SLC1A1: variants seen among roughly 807,000 people sequenced by gnomAD.
The protein encoded by SLC1A1 is solute carrier family 1 member 1.
In SLC1A1, 43 loss-of-function variants were observed where a neutral mutation model predicts 53.3. The ratio of observed to expected loss-of-function variants is 0.81; its 90% confidence interval spans 0.63 to 1.04. The LOEUF (loss-of-function observed/expected upper bound fraction) is 1.04, where lower values mean the gene tolerates loss of function less well. Among genes scored for constraint, SLC1A1 ranks in the 50% least tolerant of loss-of-function variants. SLC1A1 has a pLI of 0.00. For synonymous variants in SLC1A1, 307 were observed against 243.2 expected, an observed-to-expected ratio of 1.26 and a Z score of -2.44; for missense variants, 748 against 664.9, an observed-to-expected ratio of 1.12 and a Z score of -1.37.
chr9:4,530,815 C>T (rs558082476), intron 1 of SLC1A1, among the ~76,000 whole-genome samples: 1 of 152,150 alleles, frequency 6.6e-6, no homozygotes, highest in Admixed American at 6.5e-5. Context: ...AGTGTTATTG[C>T]CTCTTTTTGA....
chr9:4,508,290 T>G (rs1418190035), intron 1 of SLC1A1, among the ~76,000 whole-genome samples: 1 of 152,198 alleles, frequency 6.6e-6, no homozygotes, highest in African/African-American at 2.4e-5. Flanking sequence ...GTCATAGATA[T>G]GTATCTCGGG....
chr9:4,504,319 C>T (rs1219805706), intron 1 of SLC1A1, among the ~76,000 whole-genome samples: 1 of 152,150 alleles, frequency 6.6e-6, no homozygotes, highest in Non-Finnish European at 1.5e-5. Context: ...TTTCCCCCTC[C>T]AAGTGTCCTT....
chr9:4,530,550 A>G (rs1006200436), intron 1 of SLC1A1, among the ~76,000 whole-genome samples: 1 of 152,156 alleles, frequency 6.6e-6, no homozygotes, highest in Non-Finnish European at 1.5e-5. Flanking sequence ...ACCAAAATCA[A>G]CTTTTCTTCT....
At chr9:4,491,808 G>A (rs1409836109) in intron 1 of SLC1A1, among the ~76,000 whole-genome samples, 2 of 152,202 alleles carry the variant, frequency 1.3e-5, no homozygotes, top group Non-Finnish European at 1.5e-5. Flanking sequence ...TGTGTTTGCT[G>A]AAAAGGCAAG....
chr9:4,537,040 T>C (rs977587579), intron 1 of SLC1A1, among the ~76,000 whole-genome samples: 2 of 151,016 alleles, frequency 1.3e-5, no homozygotes, highest in African/African-American at 4.9e-5. Context: ...CCAGGGCCTG[T>C]TGTGGAGTGG....
intron 6 of SLC1A1, among the ~76,000 whole-genome samples, chr9:4,568,376 T>C (rs1050346170): frequency 6.7e-6 from 1 of 149,948 alleles, no homozygotes; most frequent in African/African-American, 2.5e-5. Context: ...CATGATTGAA[T>C]CATTGCACTT....
At chr9:4,528,090 T>C (rs766968310) in intron 1 of SLC1A1, among the ~76,000 whole-genome samples, 2 of 152,164 alleles carry the variant, frequency 1.3e-5, no homozygotes. Context: ...ATGCCAGGGA[T>C]ATTAGGAGCA....
chr9:4,504,335 T>A (rs1820729972), intron 1 of SLC1A1, among the ~76,000 whole-genome samples: 2 of 152,212 alleles, frequency 1.3e-5, no homozygotes, highest in Non-Finnish European at 2.9e-5. Flanking sequence ...TCCTTTCACA[T>A]CCTTATCCAA....
chr9:4,548,882 T>C (rs542948609), intron 2 of SLC1A1, among the ~76,000 whole-genome samples: 3 of 152,286 alleles, frequency 2.0e-5, no homozygotes, highest in African/African-American at 7.2e-5. Context: ...ATAAATTACA[T>C]TGTGAAGAAC....
chr9:4,523,891 C>T (rs369763031), intron 1 of SLC1A1, among the ~76,000 whole-genome samples: 1 of 152,214 alleles, frequency 6.6e-6, no homozygotes, highest in South Asian at 2.1e-4. Context: ...GATAACACAG[C>T]TAATAAAGTG....
At chr9:4,498,999 A>C (rs1820541209) in intron 1 of SLC1A1, among the ~76,000 whole-genome samples, 2 of 129,264 alleles carry the variant, frequency 1.5e-5, no homozygotes, top group Admixed American at 7.4e-5. Flanking sequence ...TATATATAAG[A>C]TTATATATTA....
At chr9:4,506,117 G>T (rs1433791218) in intron 1 of SLC1A1, among the ~76,000 whole-genome samples, 1 of 151,916 alleles carries the variant, frequency 6.6e-6, no homozygotes, top group African/African-American at 2.4e-5. Context: ...CCTGCCGTCT[G>T]ACTTAATTTT....
chr9:4,573,855 A>G, intron 7 of SLC1A1, 52 bp from the exon 8 acceptor site: 1 of 1,269,178 alleles, frequency 7.9e-7, no homozygotes, highest in South Asian at 1.2e-5. Flanking sequence ...CCAACCTAGC[A>G]TGAGAAAGCA....
At chr9:4,567,457 C>G (rs570159503) in intron 5 of SLC1A1, among the ~76,000 whole-genome samples, 2 of 152,196 alleles carry the variant, frequency 1.3e-5, no homozygotes, top group African/African-American at 4.8e-5. Flanking sequence ...GAATGGTGAT[C>G]GTGGGAGTCA....
intron 1 of SLC1A1, among the ~76,000 whole-genome samples, chr9:4,511,385 A>G (rs979461569): frequency 6.6e-6 from 1 of 152,144 alleles, no homozygotes; most frequent in East Asian, 1.9e-4. Context: ...AAAAGGCACT[A>G]ATCCCATTCA....
intron 2 of SLC1A1, among the ~76,000 whole-genome samples, chr9:4,557,550 C>A (rs1355751736): frequency 1.3e-5 from 2 of 151,750 alleles, no homozygotes; most frequent in African/African-American, 4.8e-5. Context: ...ATTTGGGAGG[C>A]CGAGGTGGGA....
At chr9:4,490,914 G>A in intron 1 of SLC1A1, 144 bp downstream of exon 1, 1 of 670,032 alleles carries the variant, frequency 1.5e-6, no homozygotes. Flanking sequence ...CGGGCCCCCT[G>A]CGGGGGCTTT....
At chr9:4,524,082 T>C (rs527863270) in intron 1 of SLC1A1, among the ~76,000 whole-genome samples, 48 of 152,360 alleles carry the variant, frequency 3.2e-4, no homozygotes, top group African/African-American at 1.1e-3. Context: ...GGCCAATGCA[T>C]TGTATAAATT....
intron 2 of SLC1A1, among the ~76,000 whole-genome samples, chr9:4,558,090 T>A (rs1818592137): frequency 6.6e-6 from 1 of 152,188 alleles, no homozygotes; most frequent in South Asian, 2.1e-4. Flanking sequence ...TTATTGACAT[T>A]ACTCGCAGAT....
Sources: allele counts gnomAD v4.1 joint callset (sites outside exome capture counted in the v4.1 genomes callset), GRCh38; gene constraint gnomAD v4.1.1; transcripts MANE v1.5; gene names NCBI Gene and HGNC (gene_info 2026-07-23, HGNC 2026-07-21).